LEKR1: variants seen among roughly 807,000 people sequenced by gnomAD.
LEKR1 encodes the protein protein LEKR1.
In LEKR1, 59 loss-of-function variants were observed where a neutral mutation model predicts 72.4. The ratio of observed to expected loss-of-function variants is 0.82; its 90% CI spans 0.66 to 1.01. LEKR1 has a LOEUF of 1.01. Ranked by LOEUF, LEKR1 falls within the 50% of genes least tolerant of loss-of-function variation. The probability of loss-of-function intolerance (pLI) is 0.00; values close to 1 mark genes in which losing one functional copy is unlikely to be tolerated. For missense variants in LEKR1, 728 were observed against 759.2 expected (o/e 0.96, Z 0.48); for synonymous variants, 257 against 263.2 (o/e 0.98, Z 0.23).
chr3:156,909,959 T>C (rs1482876175), intron 3 of LEKR1, among the ~76,000 whole-genome samples: 1 of 152,178 alleles, frequency 6.6e-6, no homozygotes, highest in Non-Finnish European at 1.5e-5. Flanking sequence ...TTATAGCTCT[T>C]TATTTTCTAC....
intron 3 of LEKR1, among the ~76,000 whole-genome samples, chr3:156,892,333 TAGATG>T (rs1720750613): frequency 6.6e-6 from 1 of 152,120 alleles, no homozygotes; most frequent in Admixed American, 6.5e-5. Context: ...GACAGATTGA[TAGATG>T]GGATGGGCTC....
intron 2 of LEKR1, among the ~76,000 whole-genome samples, chr3:156,850,816 G>GA (rs1553785785): frequency 6.6e-6 from 1 of 152,116 alleles, no homozygotes; most frequent in Non-Finnish European, 1.5e-5. Flanking sequence ...AGCCAGGGCT[G>GA]CTATGGATTC....
intron 2 of LEKR1, among the ~76,000 whole-genome samples, chr3:156,841,839 T>C (rs1025299141): frequency 1.3e-5 from 2 of 152,214 alleles, no homozygotes; most frequent in Admixed American, 1.3e-4. Context: ...TGTGTTATTC[T>C]ATACAGAATA....
At chr3:157,019,030 A>G (rs1450400845) in intron 10 of LEKR1, among the ~76,000 whole-genome samples, 1 of 152,180 alleles carries the variant, frequency 6.6e-6, no homozygotes, top group Admixed American at 6.5e-5. Context: ...TATTTCAGAA[A>G]TAATCTAAAG....
intron 2 of LEKR1, among the ~76,000 whole-genome samples, chr3:156,839,351 A>G (rs1295389820): frequency 6.6e-6 from 1 of 152,230 alleles, no homozygotes; most frequent in Admixed American, 6.5e-5. Context: ...GAGAACCCTG[A>G]CAGAACATTA....
At chr3:156,924,634 A>G (rs1724536055) in intron 4 of LEKR1, 1 of 491,634 alleles carries the variant, frequency 2.0e-6, no homozygotes, top group Admixed American at 3.5e-5. Flanking sequence ...TGTGTATGAT[A>G]TGAGGTAAGA....
chr3:157,028,435 A>G (rs749948372), intron 12 of LEKR1, 33 bp downstream of exon 12: 1 of 1,510,274 alleles, frequency 6.6e-7, no homozygotes, highest in African/African-American at 1.4e-5. Flanking sequence ...TTTGCAATTA[A>G]TCAAAGAGCA....
chr3:156,867,495 T>G (rs965978757), intron 3 of LEKR1, among the ~76,000 whole-genome samples: 1 of 152,042 alleles, frequency 6.6e-6, no homozygotes, highest in Non-Finnish European at 1.5e-5. Context: ...TTTTCAGTAT[T>G]TTGTACATGT....
At chr3:156,835,757 T>C (rs1713028412) in intron 2 of LEKR1, among the ~76,000 whole-genome samples, 1 of 151,950 alleles carries the variant, frequency 6.6e-6, no homozygotes, top group Admixed American at 6.6e-5. Context: ...GGCTAAAAGT[T>C]CTCTCGTAAA....
intron 4 of LEKR1, among the ~76,000 whole-genome samples, chr3:156,924,271 T>A (rs1724500192): frequency 1.3e-5 from 2 of 152,212 alleles, no homozygotes; most frequent in Admixed American, 6.5e-5. Flanking sequence ...CATTTGTATA[T>A]CTTACTAGTG....
At chr3:157,000,392 T>C (rs1731911828) in intron 9 of LEKR1, among the ~76,000 whole-genome samples, 1 of 152,150 alleles carries the variant, frequency 6.6e-6, no homozygotes, top group African/African-American at 2.4e-5. Context: ...GATTAAGAAG[T>C]GATGCAAGAT....
chr3:157,008,253 T>C (rs771440272), intron 9 of LEKR1, among the ~76,000 whole-genome samples: 1 of 152,182 alleles, frequency 6.6e-6, no homozygotes, highest in Admixed American at 6.5e-5. Context: ...GACACTGCCT[T>C]GTTCAGAGAG....
At chr3:156,988,408 G>A (rs768956539) in intron 7 of LEKR1, 3 of 221,356 alleles carry the variant, frequency 1.4e-5, no homozygotes, top group African/African-American at 2.3e-5. Context: ...CCCAGTCATC[G>A]TGTCACCTGC....
rs572442141 is a variant in LEKR1 at position 156,846,875 on chromosome 3, C to T, written c.49-5893C>T. 7.1e-4 allele frequency among the ~76,000 whole-genome samples: 102 copies of T among 142,760 alleles called. 1 individual carries two copies. Among genetic ancestry groups the T allele is most frequent in the Middle Eastern group, 6.9e-3 (2 of 290 alleles). The allele number at this position is 142,760 out of a possible 152,430, so 93.7% of individuals were successfully genotyped here. On this transcript the variant is annotated intron_variant, in intron 2 of 12. Coordinates refer to ENST00000356539, the MANE Select transcript of LEKR1 (RefSeq NM_001004316.3). ...TTGCCCAGGCTGGAGTGCAGCAGCA[C>T]CATCTCAGCTCACTGCAGCCTCTGC...
intron 3 of LEKR1, among the ~76,000 whole-genome samples, chr3:156,920,107 T>C (rs1334787702): frequency 6.6e-6 from 1 of 152,070 alleles, no homozygotes; most frequent in Non-Finnish European, 1.5e-5. Flanking sequence ...CAATCTTGAA[T>C]TTTCCAGTCA....
chr3:156,900,600 A>G (rs547437289), intron 3 of LEKR1, among the ~76,000 whole-genome samples: 4 of 152,202 alleles, frequency 2.6e-5, no homozygotes, highest in Admixed American at 6.5e-5. Context: ...TAGGCATGAA[A>G]CTTCCAATGC....
At chr3:156,939,032 A>T (rs1725969832) in intron 5 of LEKR1, among the ~76,000 whole-genome samples, 1 of 152,240 alleles carries the variant, frequency 6.6e-6, no homozygotes, top group Non-Finnish European at 1.5e-5. Context: ...TTGGCTATAA[A>T]TTTTGATAAT....
At chr3:157,017,948 CAAA>C (rs58950224) in intron 10 of LEKR1, among the ~76,000 whole-genome samples, 10 of 82,978 alleles carry the variant, frequency 1.2e-4, no homozygotes, top group South Asian at 3.4e-4. Context: ...GACTCTGTCT[CAAA>C]AAAAAAAAAA....
intron 6 of LEKR1, among the ~76,000 whole-genome samples, chr3:156,962,980 A>G (rs1007495169): frequency 2.0e-5 from 3 of 152,118 alleles, no homozygotes; most frequent in East Asian, 1.9e-4. Flanking sequence ...TTTAAATTCT[A>G]TGGCTTCTGA....
Sources: allele counts gnomAD v4.1 joint callset (sites outside exome capture counted in the v4.1 genomes callset), GRCh38; gene constraint gnomAD v4.1.1; transcripts MANE v1.5; gene names NCBI Gene and HGNC (gene_info 2026-07-23, HGNC 2026-07-21).